The following PHLDB2 variants were observed in gnomAD, a reference collection of about 807,000 sequenced individuals.
PHLDB2 encodes pleckstrin homology like domain family B member 2.
Under a neutral mutation model 123.6 loss-of-function variants are expected in PHLDB2, and 71 were observed. The ratio of observed to expected loss-of-function variants is 0.57; its 90% CI spans 0.47 to 0.70. PHLDB2 has a LOEUF of 0.70. Among genes scored for constraint, PHLDB2 ranks in the 30% least tolerant of loss-of-function variants. The pLI is 0.00. For synonymous variants in PHLDB2, 547 were observed against 541.6 expected, an observed-to-expected ratio of 1.01 and a Z score of -0.14; for missense variants, 1,446 against 1,519.5, an observed-to-expected ratio of 0.95 and a Z score of 0.80.
chr3:111,806,116 A>G (rs1272432122), intron 1 of PHLDB2, among the ~76,000 whole-genome samples: 1 of 152,210 alleles, frequency 6.6e-6, no homozygotes, highest in Non-Finnish European at 1.5e-5. Context: ...CTCTAGAATC[A>G]TTATAGCAGT....
Position 111,859,392 on chromosome 3 carries a change from G to A in PHLDB2, c.-199G>A. On this transcript the variant is annotated 5_prime_UTR_variant, in exon 1 of 18. Transcript: ENST00000431670. Reference sequence around the variant, plus strand: ...GGGAGCGGGGCAGGTCACCAACTTCGTTGCTCGAACTCCCTGGGTGCCCGC... The same window carrying A: ...GGGAGCGGGGCAGGTCACCAACTTCATTGCTCGAACTCCCTGGGTGCCCGC... 1 of 985,680 alleles carries A rather than the reference G, an allele frequency of 1.0e-6. No homozygotes were observed. Among genetic ancestry groups the A allele is most frequent in the South Asian group, 4.7e-5 (1 of 21,292 alleles). 61.1% of individuals were successfully genotyped at this position (985,680 alleles called of 1,614,324 possible).
intron 1 of PHLDB2, among the ~76,000 whole-genome samples, chr3:111,825,817 C>A (rs2062627840): frequency 6.6e-6 from 1 of 152,004 alleles, no homozygotes; most frequent in African/African-American, 2.4e-5. Context: ...TAATTTGAAT[C>A]TTCTTAATTT....
chr3:111,905,228 A>G (rs1212516884), intron 2 of PHLDB2, among the ~76,000 whole-genome samples: 1 of 152,158 alleles, frequency 6.6e-6, no homozygotes, highest in Non-Finnish European at 1.5e-5. Context: ...GTTGACTACT[A>G]TTTTGTTCTG....
At chr3:111,834,922 ACATTATTGC>A (rs1387024165) in intron 1 of PHLDB2, among the ~76,000 whole-genome samples, 1 of 152,050 alleles carries the variant, frequency 6.6e-6, no homozygotes, top group Non-Finnish European at 1.5e-5. Context: ...TCCTTTCTAC[ACATTATTGC>A]CATAGTAATC....
intron 1 of PHLDB2, chr3:111,859,781 G>A (rs970369360): frequency 1.0e-6 from 1 of 985,552 alleles, no homozygotes; most frequent in Non-Finnish European, 1.2e-6. Context: ...GGAGGGGCCG[G>A]CGGGCTCACG....
chr3:111,866,409 T>C (rs1479593119), intron 1 of PHLDB2, among the ~76,000 whole-genome samples: 1 of 152,202 alleles, frequency 6.6e-6, no homozygotes, highest in Non-Finnish European at 1.5e-5. Flanking sequence ...GTGAGCCTGT[T>C]TGTACCCTGA....
intron 2 of PHLDB2, among the ~76,000 whole-genome samples, chr3:111,897,000 A>G (rs1159552176): frequency 1.3e-5 from 2 of 152,220 alleles, no homozygotes; most frequent in African/African-American, 4.8e-5. Flanking sequence ...CTATAGGACA[A>G]TGTCAGAGCT....
chr3:111,970,383 G>T (rs1056405752), intron 16 of PHLDB2, among the ~76,000 whole-genome samples: 2 of 152,090 alleles, frequency 1.3e-5, no homozygotes, highest in Non-Finnish European at 2.9e-5. Flanking sequence ...AAAAAAAGGG[G>T]GTGGGGAGAG....
At chr3:111,832,568 ATATAATGCCATTATATATG>A (rs1168241314) in intron 1 of PHLDB2, among the ~76,000 whole-genome samples, 1 of 146,974 alleles carries the variant, frequency 6.8e-6, no homozygotes, top group Non-Finnish European at 1.5e-5. Context: ...CATTATATAT[ATATAATGCCATTATATATG>A]TAATATTATA....
Position 111,939,489 on chromosome 3 carries a change from G to A in PHLDB2, c.2145G>A (p.Leu715=). ...TTTCTCCAAAGGATGCTGACCTGTTGGATGTTGAAAGCAAACACTTTGAAG... is the reference window on the plus strand; with the variant it reads ...TTTCTCCAAAGGATGCTGACCTGTTAGATGTTGAAAGCAAACACTTTGAAG... ...QQQLKRDADL[L]DVESKHFEDL... is the part of the protein sequence containing the mutation. Residue 715 remains leucine (L), a synonymous_variant, in exon 7 of 18, where the codon TTG becomes TTA. Coordinates refer to ENST00000431670, the MANE Select transcript of PHLDB2 (RefSeq NM_001134438.2). 1 of 1,612,488 alleles carries A rather than the reference G, an allele frequency of 6.2e-7. No individual in the cohort carries two copies.
At chr3:111,945,798 T>C (rs2070262666) in intron 9 of PHLDB2, among the ~76,000 whole-genome samples, 1 of 152,092 alleles carries the variant, frequency 6.6e-6, no homozygotes, top group Non-Finnish European at 1.5e-5. Context: ...TGGTCTGGTT[T>C]CTTTCTTTTC....
intron 1 of PHLDB2, among the ~76,000 whole-genome samples, chr3:111,827,232 C>A (rs1031280518): frequency 4.6e-5 from 7 of 152,196 alleles, no homozygotes; most frequent in Admixed American, 4.6e-4. Context: ...TTTTAACCAG[C>A]TGTCTGTTGC....
chr3:111,965,702 G>C (rs1423222871), intron 13 of PHLDB2, among the ~76,000 whole-genome samples: 24 of 152,148 alleles, frequency 1.6e-4, no homozygotes, highest in Admixed American at 1.6e-3. Flanking sequence ...AAGTACACAT[G>C]CATTACAAAT....
At chr3:111,779,016 T>G (rs1483859248) in intron 1 of PHLDB2, among the ~76,000 whole-genome samples, 1 of 152,072 alleles carries the variant, frequency 6.6e-6, no homozygotes, top group African/African-American at 2.4e-5. Context: ...TCTCAAAATT[T>G]TAGCAGCATC....
intron 1 of PHLDB2, among the ~76,000 whole-genome samples, chr3:111,875,764 A>G (rs1246416663): frequency 6.6e-6 from 1 of 151,142 alleles, no homozygotes; most frequent in Non-Finnish European, 1.5e-5. Context: ...CGGAGGATGC[A>G]GTGAGTCGAG....
intron 2 of PHLDB2, among the ~76,000 whole-genome samples, chr3:111,904,743 A>G (rs1467074310): frequency 1.3e-5 from 2 of 152,094 alleles, no homozygotes; most frequent in Non-Finnish European, 2.9e-5. Context: ...GGTGTAGGAG[A>G]AGGGATAATC....
intron 14 of PHLDB2, 94 bp downstream of exon 14, chr3:111,966,797 G>A (rs2071800278): frequency 1.0e-5 from 9 of 879,440 alleles, no homozygotes; most frequent in Non-Finnish European, 1.4e-5. Context: ...AAGGAGCCGT[G>A]TGTTCCTGGA....
At chr3:111,925,247 A>G (rs909928717) in intron 5 of PHLDB2, among the ~76,000 whole-genome samples, 2 of 152,208 alleles carry the variant, frequency 1.3e-5, no homozygotes, top group African/African-American at 2.4e-5. Context: ...CACATTCGTT[A>G]CCCTATAAAA....
chr3:111,892,941 A>G (rs965047491), intron 2 of PHLDB2, among the ~76,000 whole-genome samples: 1 of 152,256 alleles, frequency 6.6e-6, no homozygotes, highest in Non-Finnish European at 1.5e-5. Flanking sequence ...AGACCAGAAA[A>G]TAAACAGGTT....
Sources: allele counts gnomAD v4.1 joint callset (sites outside exome capture counted in the v4.1 genomes callset), GRCh38; gene constraint gnomAD v4.1.1; transcripts MANE v1.5; gene names NCBI Gene and HGNC (gene_info 2026-07-23, HGNC 2026-07-21).